Variants in TASP1 observed in about 807,000 individuals in gnomAD.
TASP1 encodes threonine aspartase 1.
Under a neutral mutation model 56.6 loss-of-function variants are expected in TASP1, and 16 were observed. The observed-to-expected ratio is 0.28, with a 90% confidence interval of 0.19 to 0.43. TASP1 has a LOEUF of 0.43. TASP1 is among the 20% of genes least tolerant of loss of function. The pLI is 1.00. For synonymous variants in TASP1, 179 were observed against 184.2 expected, an observed-to-expected ratio of 0.97 and a Z score of 0.23; for missense variants, 393 against 511.6, an observed-to-expected ratio of 0.77 and a Z score of 2.24.
intron 4 of TASP1, among the ~76,000 whole-genome samples, chr20:13,603,583 C>T (rs1014219763): frequency 1.3e-5 from 2 of 152,054 alleles, no homozygotes; most frequent in African/African-American, 4.8e-5. Context: ...AAAAATCAAA[C>T]CACAGTCTGG....
chr20:13,636,938 A>T (rs1418317614), intron 1 of TASP1, among the ~76,000 whole-genome samples: 1 of 152,262 alleles, frequency 6.6e-6, no homozygotes, highest in Non-Finnish European at 1.5e-5. Flanking sequence ...AAAGGACACC[A>T]TTCAAGAAAG....
At chr20:13,510,098 G>A (rs1255077582) in intron 10 of TASP1, among the ~76,000 whole-genome samples, 3 of 151,822 alleles carry the variant, frequency 2.0e-5, no homozygotes, top group Non-Finnish European at 4.4e-5. Context: ...AATAAATAAA[G>A]ATTATATTGG....
the TASP1 span, among the ~76,000 whole-genome samples, chr20:13,376,385 AG>A: frequency 6.6e-6 from 1 of 152,144 alleles, no homozygotes; most frequent in Non-Finnish European, 1.5e-5. Context: ...AGATGGTTGT[AG>A]ATGTGTGGCA....
At chr20:13,292,503 T>C in the TASP1 span, 44 of 1,262,092 alleles carry the variant, frequency 3.5e-5, no homozygotes, top group Non-Finnish European at 6.8e-6. Context: ...ATTGACTTAG[T>C]GCCTCGGAGA....
intron 11 of TASP1, among the ~76,000 whole-genome samples, chr20:13,454,737 T>C (rs2043762995): frequency 6.6e-6 from 1 of 152,160 alleles, no homozygotes; most frequent in African/African-American, 2.4e-5. Flanking sequence ...GCAAGGCCAT[T>C]TCCTGTGAAA....
chr20:13,391,151 T>C (rs921084853), intron 13 of TASP1, among the ~76,000 whole-genome samples: 2 of 152,146 alleles, frequency 1.3e-5, no homozygotes, highest in Non-Finnish European at 2.9e-5. Context: ...ATGAGAACAA[T>C]TGTTCCTGGC....
chr20:13,160,225 T>G, the TASP1 span: 2 of 1,419,092 alleles, frequency 1.4e-6, no homozygotes, highest in South Asian at 3.5e-5. Context: ...TCTCTGGGTT[T>G]CTCTTGGGTT....
chr20:13,302,683 C>T, the TASP1 span, among the ~76,000 whole-genome samples: 21 of 152,240 alleles, frequency 1.4e-4, no homozygotes, highest in African/African-American at 2.4e-5. Flanking sequence ...AATATGACCC[C>T]GCAGTAGCTG....
intron 12 of TASP1, among the ~76,000 whole-genome samples, chr20:13,428,033 C>T (rs1258615611): frequency 2.6e-5 from 4 of 152,176 alleles, no homozygotes; most frequent in African/African-American, 9.7e-5. Flanking sequence ...AGAACTCCAA[C>T]ACAAGCTTGG....
the TASP1 span, among the ~76,000 whole-genome samples, chr20:13,109,947 GA>G: frequency 6.6e-6 from 1 of 152,158 alleles, no homozygotes; most frequent in Non-Finnish European, 1.5e-5. Flanking sequence ...AAGTTCTACT[GA>G]AAAATAGACC....
At chr20:13,566,972 C>G (rs1239585465) in intron 7 of TASP1, among the ~76,000 whole-genome samples, 1 of 152,154 alleles carries the variant, frequency 6.6e-6, no homozygotes, top group Non-Finnish European at 1.5e-5. Flanking sequence ...AAGACACATG[C>G]ATGCATCTGT....
the TASP1 span, among the ~76,000 whole-genome samples, chr20:13,204,420 T>C: frequency 6.6e-6 from 1 of 152,160 alleles, no homozygotes; most frequent in African/African-American, 2.4e-5. Flanking sequence ...ATGGAAATAT[T>C]ACTGAGGCCT....
chr20:13,299,468 G>A, the TASP1 span: 2 of 1,584,820 alleles, frequency 1.3e-6, no homozygotes. The surrounding 1 kb of genome is among the most constrained non-coding windows in gnomAD (Gnocchi z 5.8). Flanking sequence ...AAAGAGACTG[G>A]GATGAGGTGG....
At chr20:13,561,483 G>A (rs1568584134) in intron 7 of TASP1, among the ~76,000 whole-genome samples, 5 of 151,766 alleles carry the variant, frequency 3.3e-5, no homozygotes, top group South Asian at 2.1e-4. Context: ...CACTTGCCTC[G>A]GCCTCCCAAG....
At chr20:13,160,842 G>C in the TASP1 span, among the ~76,000 whole-genome samples, 4 of 152,324 alleles carry the variant, frequency 2.6e-5, no homozygotes, top group South Asian at 8.3e-4. Context: ...ATAGAAAACT[G>C]TGGGATCATG....
intron 11 of TASP1, among the ~76,000 whole-genome samples, chr20:13,468,552 T>C (rs1175249869): frequency 6.6e-6 from 1 of 152,196 alleles, no homozygotes; most frequent in Non-Finnish European, 1.5e-5. Flanking sequence ...AATTATGTTA[T>C]GAGCATTATA....
At chr20:13,568,430 T>C (rs912898313) in intron 7 of TASP1, among the ~76,000 whole-genome samples, 2 of 152,176 alleles carry the variant, frequency 1.3e-5, no homozygotes, top group African/African-American at 4.8e-5. Flanking sequence ...ATTTAAAAAA[T>C]AGTGTTTTTA....
At chr20:13,259,347 T>G in the TASP1 span, among the ~76,000 whole-genome samples, 1 of 152,010 alleles carries the variant, frequency 6.6e-6, no homozygotes, top group Non-Finnish European at 1.5e-5. Context: ...AAACTTCCAC[T>G]CCTTCAGAAT....
chr20:13,233,859 G>C, the TASP1 span, among the ~76,000 whole-genome samples: 1 of 152,158 alleles, frequency 6.6e-6, no homozygotes, highest in Non-Finnish European at 1.5e-5. Flanking sequence ...CAGCCCTTGC[G>C]CCCAGAATGC....
Sources: gnomAD v4.1 joint callset for allele counts (sites outside exome capture counted in the v4.1 genomes callset) on GRCh38, gnomAD v4.1.1 for gene constraint, Gnocchi (gnomAD v3.1) non-coding constraint, MANE v1.5 for transcripts, NCBI Gene and HGNC (gene_info 2026-07-23, HGNC 2026-07-21) for gene names.